The following ASIC2 variants were observed in gnomAD, a reference collection of about 807,000 sequenced individuals.
The protein encoded by ASIC2 is acid-sensing ion channel 2.
In ASIC2, 25 loss-of-function variants were observed where a neutral mutation model predicts 57.3. The ratio of observed to expected loss-of-function variants is 0.44; its 90% confidence interval spans 0.32 to 0.61. ASIC2 has a LOEUF of 0.61. Among genes scored for constraint, ASIC2 ranks in the 20% least tolerant of loss-of-function variants. The probability of loss-of-function intolerance (pLI) is 0.06; values close to 1 mark genes in which losing one functional copy is unlikely to be tolerated. For missense variants in ASIC2, 641 were observed against 738.1 expected (o/e 0.87, Z 1.52); for synonymous variants, 319 against 307.5 (o/e 1.04, Z -0.39).
At chr17:34,036,273 C>CA (rs1907873278) in intron 1 of ASIC2, among the ~76,000 whole-genome samples, 2 of 148,000 alleles carry the variant, frequency 1.4e-5, no homozygotes, top group African/African-American at 2.5e-5. Flanking sequence ...ATCGCAAGGA[C>CA]AAAAAACCAA....
chr17:34,083,971 T>C (rs1481283945), intron 1 of ASIC2, among the ~76,000 whole-genome samples: 1 of 152,172 alleles, frequency 6.6e-6, no homozygotes, highest in African/African-American at 2.4e-5. Flanking sequence ...ATTCTGTAGG[T>C]TGCCTGTTCA....
At chr17:33,496,633 T>C (rs1913942828) in intron 1 of ASIC2, among the ~76,000 whole-genome samples, 1 of 139,896 alleles carries the variant, frequency 7.1e-6, no homozygotes, top group African/African-American at 2.8e-5. Flanking sequence ...TTTTTTTTTT[T>C]TTTAGATGGG....
intron 1 of ASIC2, among the ~76,000 whole-genome samples, chr17:33,685,117 G>T (rs142582093): frequency 3.3e-5 from 5 of 152,162 alleles, no homozygotes; most frequent in African/African-American, 9.7e-5. Context: ...CCCCTGGGGG[G>T]GCTTAGTCTT....
intron 1 of ASIC2, chr17:34,001,161 C>T (rs1365238079): frequency 6.6e-6 from 1 of 152,042 alleles, no homozygotes; most frequent in Non-Finnish European, 1.5e-5. Flanking sequence ...ATCCTTGTTG[C>T]CTTGTGTTGG....
chr17:33,244,177 G>A (rs576689361), intron 1 of ASIC2, among the ~76,000 whole-genome samples: 3 of 151,982 alleles, frequency 2.0e-5, no homozygotes, highest in African/African-American at 7.2e-5. Flanking sequence ...CATGCTAAGT[G>A]ATCCTGTTAG....
intron 1 of ASIC2, among the ~76,000 whole-genome samples, chr17:33,946,781 A>G (rs754455015): frequency 9.2e-5 from 14 of 152,212 alleles, no homozygotes; most frequent in Non-Finnish European, 1.9e-4. Context: ...GACAAGGGTC[A>G]TGGATAAAGC....
intron 1 of ASIC2, among the ~76,000 whole-genome samples, chr17:34,060,681 C>T (rs905882189): frequency 2.0e-5 from 3 of 152,132 alleles, no homozygotes; most frequent in Admixed American, 2.0e-4. Context: ...ACTTTGGACA[C>T]ACTTTTAGAA....
chr17:33,812,369 T>C (rs1912447243), intron 1 of ASIC2, among the ~76,000 whole-genome samples: 1 of 152,146 alleles, frequency 6.6e-6, no homozygotes, highest in African/African-American at 2.4e-5. Context: ...TCTAAACAGA[T>C]TAAGAAGCTT....
At chr17:33,056,059 GT>G (rs2141933601) in intron 3 of ASIC2, among the ~76,000 whole-genome samples, 1 of 152,310 alleles carries the variant, frequency 6.6e-6, no homozygotes, top group African/African-American at 2.4e-5. Context: ...GTTGAGAACC[GT>G]TCATCTAGTC....
chr17:33,273,614 A>G (rs1441829475), intron 1 of ASIC2, among the ~76,000 whole-genome samples: 1 of 152,230 alleles, frequency 6.6e-6, no homozygotes, highest in Non-Finnish European at 1.5e-5. Context: ...CCTTAAAGAA[A>G]ACAGAACAAT....
intron 1 of ASIC2, among the ~76,000 whole-genome samples, chr17:33,137,852 C>G (rs1232922249): frequency 6.6e-6 from 1 of 152,168 alleles, no homozygotes; most frequent in Non-Finnish European, 1.5e-5. Flanking sequence ...CACAGATGAG[C>G]CCTAATCTAT....
chr17:33,606,528 C>G (rs1303728268), intron 1 of ASIC2, among the ~76,000 whole-genome samples: 2 of 152,172 alleles, frequency 1.3e-5, no homozygotes, highest in Non-Finnish European at 2.9e-5. Flanking sequence ...TAAAGATGCC[C>G]CCTCCAACCT....
intron 1 of ASIC2, among the ~76,000 whole-genome samples, chr17:33,509,025 G>A (rs185612494): frequency 6.6e-6 from 1 of 152,282 alleles, no homozygotes; most frequent in African/African-American, 2.4e-5. Context: ...AGCTTCCCAA[G>A]CTGGTTTTTG....
chr17:33,084,919 G>C (rs978382125), intron 3 of ASIC2, among the ~76,000 whole-genome samples: 5 of 152,140 alleles, frequency 3.3e-5, no homozygotes, highest in African/African-American at 1.2e-4. Context: ...TTTGGACTGG[G>C]TTGTAGCCCA....
intron 1 of ASIC2, among the ~76,000 whole-genome samples, chr17:33,483,093 A>G (rs1472853155): frequency 6.6e-6 from 1 of 152,138 alleles, no homozygotes; most frequent in Non-Finnish European, 1.5e-5. Flanking sequence ...TTCAGAGAAG[A>G]AAAGCTGTGG....
intron 1 of ASIC2, among the ~76,000 whole-genome samples, chr17:34,130,237 C>T (rs1399735768): frequency 2.0e-5 from 3 of 147,522 alleles, no homozygotes; most frequent in East Asian, 4.2e-4. Flanking sequence ...CATGACTTCA[C>T]CCAGCAAAGC....
intron 1 of ASIC2, among the ~76,000 whole-genome samples, chr17:33,613,387 TTC>T (rs61378374): frequency 1.5e-4 from 23 of 149,920 alleles, no homozygotes; most frequent in African/African-American, 5.7e-4. Context: ...TTTTTTTTTT[TTC>T]CTTCCTGCTC....
chr17:34,095,658 T>TTTATATATATATATATATATATAATA (rs1567818956), intron 1 of ASIC2, among the ~76,000 whole-genome samples: 14 of 98,422 alleles, frequency 1.4e-4, no homozygotes, highest in Admixed American at 2.8e-4. Context: ...TATATATAAT[T>TTTATATATATATATATATATATAATA]TTATATATAT....
intron 6 of ASIC2, among the ~76,000 whole-genome samples, chr17:33,022,930 ATTTTTAT>A (rs963804073): frequency 6.6e-6 from 1 of 152,128 alleles, no homozygotes; most frequent in Non-Finnish European, 1.5e-5. Flanking sequence ...TTTTATTTTT[ATTTTTAT>A]TTTTTATTTG....
Sources: gnomAD v4.1 joint callset for allele counts (sites outside exome capture counted in the v4.1 genomes callset) on GRCh38, gnomAD v4.1.1 for gene constraint, MANE v1.5 for transcripts, NCBI Gene and HGNC (gene_info 2026-07-23, HGNC 2026-07-21) for gene names.